Variants in RALYL observed in about 807,000 individuals in gnomAD.
RALYL encodes RNA-binding Raly-like protein.
Under a neutral mutation model 35.1 loss-of-function variants are expected in RALYL, and 29 were observed. The ratio of observed to expected loss-of-function variants is 0.83; its 90% CI spans 0.61 to 1.13. The LOEUF is 1.13. Among genes scored for constraint, RALYL ranks in the 50% most tolerant of loss-of-function variants. RALYL has a pLI of 0.00. For missense variants in RALYL, 359 were observed against 360.4 expected, an observed-to-expected ratio of 1.00 and a Z score of 0.03; for synonymous variants, 120 against 127.6, an observed-to-expected ratio of 0.94 and a Z score of 0.40.
chr8:84,770,743 A>T (rs1815270351), intron 2 of RALYL, among the ~76,000 whole-genome samples: 1 of 151,958 alleles, frequency 6.6e-6, no homozygotes, highest in South Asian at 2.1e-4. Context: ...GGCCATTCTC[A>T]TGGGGGTAAG....
chr8:84,903,717 A>G (rs950482808), intron 8 of RALYL, among the ~76,000 whole-genome samples: 33 of 152,198 alleles, frequency 2.2e-4, no homozygotes, highest in African/African-American at 8.0e-4. Context: ...TTATAGTTCT[A>G]TGATGCCAAG....
chr8:84,346,227 C>A, intron 1 of RALYL: 1 of 231,316 alleles, frequency 4.3e-6, no homozygotes, highest in Non-Finnish European at 7.1e-6. Context: ...TGATAACCAA[C>A]ATCTGACCAG....
chr8:84,526,990 G>A (rs1449834755), intron 1 of RALYL, among the ~76,000 whole-genome samples: 3 of 152,110 alleles, frequency 2.0e-5, no homozygotes, highest in Non-Finnish European at 4.4e-5. Context: ...GGCTGAAAGT[G>A]GAAGTCTTTC....
rs373059320 is a variant in RALYL, at chr8:84,856,960, G to A, written c.414-5336G>A. Among the ~76,000 whole-genome samples, 10 of 148,540 alleles carry A rather than the reference G, an allele frequency of 6.7e-5. No homozygotes were observed. The East Asian group carries it at 1.2e-3, about 18-fold the overall frequency. On this transcript the variant is annotated intron_variant, in intron 5 of 8. Transcript: ENST00000521268. ...GGAGAATGGCGTGAACCCGGGAAGC[G>A]GAGCTTGCAGTGAGCCGAGATTGCG...
chr8:84,186,580 T>C (rs1812583808), intron 1 of RALYL, among the ~76,000 whole-genome samples: 1 of 152,152 alleles, frequency 6.6e-6, no homozygotes, highest in African/African-American at 2.4e-5. Context: ...TGAGGTAGTA[T>C]GTGGTTTAAG....
chr8:84,709,052 A>G (rs143861171), intron 2 of RALYL, among the ~76,000 whole-genome samples: 6 of 152,270 alleles, frequency 3.9e-5, no homozygotes, highest in African/African-American at 1.4e-4. Context: ...CCATATTATC[A>G]TGGAAATACT....
chr8:84,796,521 AT>A (rs1286497946), intron 3 of RALYL, among the ~76,000 whole-genome samples: 3 of 152,234 alleles, frequency 2.0e-5, no homozygotes. Flanking sequence ...ATGTTTTAAT[AT>A]GCAAAATATT....
At chr8:84,768,220 G>C (rs775853194) in intron 2 of RALYL, among the ~76,000 whole-genome samples, 5 of 152,164 alleles carry the variant, frequency 3.3e-5, no homozygotes, top group Non-Finnish European at 7.4e-5. Flanking sequence ...GTTACTGCTA[G>C]GATGCCATAC....
intron 1 of RALYL, among the ~76,000 whole-genome samples, chr8:84,401,162 C>CA (rs2042846066): frequency 6.6e-6 from 1 of 152,142 alleles, no homozygotes; most frequent in Non-Finnish European, 1.5e-5. Context: ...GCTCAACAGT[C>CA]AGTTATGTCA....
At chr8:84,820,069 G>C (rs547842339) in intron 4 of RALYL, among the ~76,000 whole-genome samples, 1 of 152,212 alleles carries the variant, frequency 6.6e-6, no homozygotes, top group East Asian at 1.9e-4. Context: ...GAGAGAACCT[G>C]TTCAATCATT....
intron 8 of RALYL, among the ~76,000 whole-genome samples, chr8:84,906,217 T>C (rs534490363): frequency 6.6e-6 from 1 of 152,304 alleles, no homozygotes; most frequent in East Asian, 1.9e-4. Context: ...GTTTATTTTT[T>C]AATGCTCCAA....
At chr8:84,303,697 G>A (rs541741496) in intron 1 of RALYL, among the ~76,000 whole-genome samples, 58 of 152,254 alleles carry the variant, frequency 3.8e-4, no homozygotes, top group African/African-American at 1.3e-3. Flanking sequence ...CCTACTGTAG[G>A]TAAAACTGGT....
rs1849244216 is a variant in RALYL at position 84,920,938 on chromosome 8, G to T, written c.*27G>T. 7.1e-7 allele frequency: 1 copy of T among 1,402,128 alleles called. No individual in the cohort carries two copies. The highest frequency in any genetic ancestry group is 9.5e-7 in the Non-Finnish European group (1 of 1,049,524). The allele number at this position is 1,402,128 out of a possible 1,614,324, so 86.9% of individuals were successfully genotyped here. ...CTGAAATAACGCATGATGCCACAAA[G>T]CAGAAAAGAGAAACTGTGACAACCC... On this transcript the variant is annotated 3_prime_UTR_variant, in exon 9 of 9. Coordinates refer to ENST00000521268, the MANE Select transcript of RALYL (RefSeq NM_173848.7).
intron 2 of RALYL, among the ~76,000 whole-genome samples, chr8:84,708,402 A>G (rs1350807788): frequency 6.6e-6 from 1 of 152,156 alleles, no homozygotes; most frequent in Non-Finnish European, 1.5e-5. Flanking sequence ...TACAATTGCT[A>G]GGTAAAAGGA....
At chr8:84,287,177 G>A (rs1272916904) in intron 1 of RALYL, among the ~76,000 whole-genome samples, 1 of 152,114 alleles carries the variant, frequency 6.6e-6, no homozygotes, top group Non-Finnish European at 1.5e-5. Flanking sequence ...GGGTCAGGGA[G>A]TAGGCCTCTA....
At chr8:84,534,769 T>C (rs1472909444) in intron 2 of RALYL, among the ~76,000 whole-genome samples, 1 of 152,086 alleles carries the variant, frequency 6.6e-6, no homozygotes, top group Non-Finnish European at 1.5e-5. Context: ...TGAGGCGATA[T>C]AGTTGGGGTT....
chr8:84,522,190 G>A (rs1339694383), intron 1 of RALYL, among the ~76,000 whole-genome samples: 1 of 151,670 alleles, frequency 6.6e-6, no homozygotes. Flanking sequence ...ATTTTCAGCG[G>A]GTTCTTAATA....
chr8:84,544,288 C>CT (rs200174453), intron 2 of RALYL, among the ~76,000 whole-genome samples: 4 of 151,760 alleles, frequency 2.6e-5, no homozygotes, highest in South Asian at 4.1e-4. Flanking sequence ...AGAAATTTAG[C>CT]TTTTTTTCCC....
At chr8:84,848,371 C>T in intron 4 of RALYL, among the ~76,000 whole-genome samples, 1 of 150,322 alleles carries the variant, frequency 6.7e-6, no homozygotes, top group Middle Eastern at 3.5e-3. Flanking sequence ...TGGAGTAATA[C>T]TTTTAAATAT....
Sources: allele counts gnomAD v4.1 joint callset (sites outside exome capture counted in the v4.1 genomes callset), GRCh38; gene constraint gnomAD v4.1.1; transcripts MANE v1.5; gene names NCBI Gene and HGNC (gene_info 2026-07-23, HGNC 2026-07-21).